CEMIP: variants seen among roughly 807,000 people sequenced by gnomAD.
CEMIP encodes cell migration inducing hyaluronidase 1, also known as cell migration-inducing and hyaluronan-binding protein.
In CEMIP, 105 loss-of-function variants were observed where a neutral mutation model predicts 156.9. The observed-to-expected ratio is 0.67, with a 90% CI of 0.57 to 0.79. The LOEUF is 0.79. Ranked by LOEUF, CEMIP falls within the 30% of genes least tolerant of loss-of-function variation. The probability of loss-of-function intolerance (pLI) is 0.00; values close to 1 mark genes in which losing one functional copy is unlikely to be tolerated. For missense variants in CEMIP, 1,457 were observed against 1,769.4 expected (o/e 0.82, Z 3.17); for synonymous variants, 676 against 668.4 (o/e 1.01, Z -0.17).
intron 1 of CEMIP, among the ~76,000 whole-genome samples, chr15:80,809,256 C>T: frequency 6.6e-6 from 1 of 152,038 alleles, no homozygotes; most frequent in East Asian, 1.9e-4. Context: ...CTCCCAAATG[C>T]CCAGCTGTAG....
chr15:80,830,669 C>T (rs1201947150), intron 1 of CEMIP, among the ~76,000 whole-genome samples: 3 of 152,084 alleles, frequency 2.0e-5, no homozygotes, highest in African/African-American at 4.8e-5. Flanking sequence ...ATCTTGTGAG[C>T]TCTTTGGAAG....
intron 1 of CEMIP, among the ~76,000 whole-genome samples, chr15:80,831,605 T>G (rs1178383705): frequency 6.6e-6 from 1 of 152,128 alleles, no homozygotes; most frequent in Non-Finnish European, 1.5e-5. Flanking sequence ...CTCTCTGAAC[T>G]GGGTCCCACG....
chr15:80,917,185 G>T (rs1456456412), intron 14 of CEMIP, among the ~76,000 whole-genome samples: 1 of 152,098 alleles, frequency 6.6e-6, no homozygotes, highest in Non-Finnish European at 1.5e-5. Context: ...TTTAGAATAG[G>T]AATATACCTA....
chr15:80,882,759 CACACACACACACACACACACACAT>C (rs1567081937), intron 6 of CEMIP, among the ~76,000 whole-genome samples: 1 of 42,578 alleles, frequency 2.3e-5, no homozygotes, highest in Admixed American at 1.6e-4. Flanking sequence ...CACACACATA[CACACACACACACACACACACACAT>C]ACACACACAC....
intron 19 of CEMIP, 59 bp from the exon 20 acceptor site, chr15:80,928,843 G>T: frequency 3.7e-6 from 6 of 1,606,990 alleles, no homozygotes; most frequent in South Asian, 1.1e-5. Context: ...TTCTCTCCAC[G>T]ACTCCACTGA....
At chr15:80,910,340 C>T (rs1596183959) in intron 14 of CEMIP, among the ~76,000 whole-genome samples, 1 of 152,224 alleles carries the variant, frequency 6.6e-6, no homozygotes, top group East Asian at 1.9e-4. Flanking sequence ...AGCAGGCCTA[C>T]CGTGGCTGTT....
chr15:80,908,181 T>C (rs565468493), intron 13 of CEMIP, among the ~76,000 whole-genome samples: 1 of 152,312 alleles, frequency 6.6e-6, no homozygotes, highest in African/African-American at 2.4e-5. Flanking sequence ...TCATTAGTGA[T>C]ACTAAAGCAG....
Position 80,779,390 on chromosome 15 carries a change from G to C in CEMIP, c.-400G>C, listed in dbSNP as rs1257339254. The C allele has an allele frequency of 1.3e-5, 2 of 152,392 alleles. No individual in the cohort carries two copies. The highest frequency in any genetic ancestry group is 2.4e-5 in the African/African-American group (1 of 41,480). 9.4% of individuals were successfully genotyped at this position (152,392 alleles called of 1,614,324 possible). ...GCCGGGGAGCTAGCGCTCAAGCAGA[G>C]CCCAGCGCGGTGCTATCGGACAGAG... On this transcript the variant is annotated 5_prime_UTR_variant, in exon 1 of 30. Transcript: ENST00000394685.
At chr15:80,869,379 C>T (rs1898214654) in intron 1 of CEMIP, among the ~76,000 whole-genome samples, 3 of 152,132 alleles carry the variant, frequency 2.0e-5, no homozygotes, top group Admixed American at 2.0e-4. Flanking sequence ...CAAAACTGTG[C>T]CCAAGAGAAT....
chr15:80,841,707 G>C (rs938358272), intron 1 of CEMIP, among the ~76,000 whole-genome samples: 8 of 152,202 alleles, frequency 5.3e-5, no homozygotes, highest in Non-Finnish European at 7.3e-5. Context: ...CCTCCCTCCA[G>C]GGGGTGTTGG....
intron 1 of CEMIP, among the ~76,000 whole-genome samples, chr15:80,827,975 A>T (rs1256772756): frequency 6.6e-6 from 1 of 152,228 alleles, no homozygotes; most frequent in Non-Finnish European, 1.5e-5. Context: ...CTAAGTAGAT[A>T]GATCCAGTTG....
At chr15:80,832,691 C>T (rs1323475652) in intron 1 of CEMIP, among the ~76,000 whole-genome samples, 1 of 152,114 alleles carries the variant, frequency 6.6e-6, no homozygotes, top group East Asian at 1.9e-4. Flanking sequence ...CCCATGCAGT[C>T]TTTTAAAAAT....
intron 28 of CEMIP, 61 bp downstream of exon 28, chr15:80,943,163 C>A (rs758898481): frequency 1.3e-6 from 2 of 1,564,116 alleles, no homozygotes; most frequent in Non-Finnish European, 1.8e-6. Flanking sequence ...TGGGCAAGGG[C>A]CCCCTCCCTC....
In CEMIP at chr15:80,925,680, G is replaced by A. The variant is rs1900633327; in HGVS notation, c.2345G>A (p.Arg782Lys). The change falls in exon 19 of 30, where the codon AGA becomes AAA. Residue 782 changes from arginine (R) to lysine (K), a missense_variant. Transcript: ENST00000394685. Reference protein sequence around the residue: ...PLKPREPAIIRHFIAYKNQDH... With the variant: ...PLKPREPAIIKHFIAYKNQDH... ...AAGCCCCGGGAGCCGGCCATCATCA[G>A]ACACTTCATTGCCTACAAGAACCAG... 1 of 1,613,730 alleles carries A rather than the reference G, an allele frequency of 6.2e-7. No individual in the cohort carries two copies. The highest frequency in any genetic ancestry group is 8.5e-7 in the Non-Finnish European group (1 of 1,180,016).
chr15:80,785,719 G>A (rs940429242), intron 1 of CEMIP, among the ~76,000 whole-genome samples: 2 of 152,132 alleles, frequency 1.3e-5, no homozygotes, highest in Non-Finnish European at 2.9e-5. Context: ...GCTTCACTGA[G>A]GGCATATGAG....
chr15:80,845,510 CA>C (rs1897531777), intron 1 of CEMIP, among the ~76,000 whole-genome samples: 3 of 152,164 alleles, frequency 2.0e-5, no homozygotes, highest in Non-Finnish European at 4.4e-5. Flanking sequence ...ATGAACATGG[CA>C]CTAAAAAACC....
At chr15:80,810,768 T>A (rs1488599390) in intron 1 of CEMIP, among the ~76,000 whole-genome samples, 2 of 151,942 alleles carry the variant, frequency 1.3e-5, no homozygotes, top group African/African-American at 4.8e-5. Flanking sequence ...ATCTACCAAA[T>A]CACCCACAGT....
At chr15:80,796,649 T>G (rs1375952890) in intron 1 of CEMIP, among the ~76,000 whole-genome samples, 2 of 152,174 alleles carry the variant, frequency 1.3e-5, no homozygotes, top group Non-Finnish European at 2.9e-5. Context: ...GCCAGGTAGA[T>G]CAATAAAACC....
chr15:80,924,707 G>A lies in CEMIP; in HGVS notation c.2288+1G>A. 1 of 1,613,960 alleles carries A rather than the reference G, an allele frequency of 6.2e-7. No homozygotes were observed. Among genetic ancestry groups the A allele is most frequent in the Non-Finnish European group, 8.5e-7 (1 of 1,179,892 alleles). On this transcript the variant is annotated splice_donor_variant, in intron 18 of 29. Coordinates refer to ENST00000394685, the MANE Select transcript of CEMIP (RefSeq NM_001293298.2). LOFTEE classifies it high-confidence loss of function. Reference sequence around the variant, plus strand: ...CGTTCCTCTCAATCATCTCTGCCAGGTAATCAGCCATTGGGAAGACACAGT... The same window carrying A: ...CGTTCCTCTCAATCATCTCTGCCAGATAATCAGCCATTGGGAAGACACAGT...
Sources: gnomAD v4.1 joint callset for allele counts (sites outside exome capture counted in the v4.1 genomes callset) on GRCh38, gnomAD v4.1.1 for gene constraint, MANE v1.5 for transcripts, NCBI Gene and HGNC (gene_info 2026-07-23, HGNC 2026-07-21) for gene names.